PLVAP: variants seen among roughly 807,000 people sequenced by gnomAD.
PLVAP encodes plasmalemma vesicle-associated protein.
In PLVAP, 34 loss-of-function variants were observed where a neutral mutation model predicts 43.1. That is an observed-to-expected ratio of 0.79 (90% CI 0.60 to 1.05). PLVAP has a LOEUF of 1.05. Among genes scored for constraint, PLVAP ranks in the 50% least tolerant of loss-of-function variants. The pLI, the probability that PLVAP is intolerant of heterozygous loss-of-function variation, is 0.00. For synonymous variants in PLVAP, 241 were observed against 237.3 expected (o/e 1.02, Z -0.14); for missense variants, 574 against 593.4 (o/e 0.97, Z 0.34).
At chr19:17,367,106 C>T (rs1045869185) in intron 1 of PLVAP, among the ~76,000 whole-genome samples, 4 of 151,682 alleles carry the variant, frequency 2.6e-5, no homozygotes, top group African/African-American at 9.7e-5. Flanking sequence ...CCACTCCTGG[C>T]CAATTTTTTG....
intron 1 of PLVAP, among the ~76,000 whole-genome samples, chr19:17,371,510 G>T (rs1048649252): frequency 1.2e-4 from 18 of 151,656 alleles, no homozygotes; most frequent in African/African-American, 4.8e-5. Context: ...TTTTTTTTGA[G>T]ACATGGTCTC....
In PLVAP at chr19:17,351,900, G is replaced by A; in HGVS notation, c.*462C>T. The A allele has an allele frequency of 5.0e-6, 1 of 199,610 alleles. No individual in the cohort carries two copies. The allele number at this position is 199,610 out of a possible 1,614,324, so 12.4% of individuals were successfully genotyped here. On this transcript the variant is annotated 3_prime_UTR_variant, in exon 6 of 6. Transcript: ENST00000252590. ...GTGTGTGTTGTCACTGTGTCTGTGT[G>A]TGACATCATCACCGTCTGTGTGATG...
chr19:17,377,175 G>C lies in PLVAP; in HGVS notation c.114C>G (p.Leu38=). 6.2e-7 allele frequency: 1 copy of C among 1,614,134 alleles called. No homozygotes were observed. Among genetic ancestry groups the C allele is most frequent in the Non-Finnish European group, 8.5e-7 (1 of 1,180,024 alleles). Residue 38 remains leucine (L), a synonymous_variant, in exon 1 of 6, where the codon CTC becomes CTG. Transcript: ENST00000252590. ...FFLFVSLIQF[L]IILGLVLFMV... is the part of the protein sequence containing the mutation. ...TGAAGAGCACGAGCCCCAGGATGAT[G>C]AGGAATTGGATGAGGGAGACGAAGA...
chr19:17,352,450 C>G, intron 5 of PLVAP, 82 bp from the exon 6 acceptor site: 1 of 1,493,616 alleles, frequency 6.7e-7, no homozygotes, highest in Non-Finnish European at 9.3e-7. Context: ...GAGGCTCGTC[C>G]TCAGCGGGGA....
At chr19:17,355,486 C>T (rs1055588697) in intron 5 of PLVAP, among the ~76,000 whole-genome samples, 2 of 151,462 alleles carry the variant, frequency 1.3e-5, no homozygotes, top group East Asian at 3.9e-4. Context: ...CCTCAGCCTC[C>T]CAAGTAGCTG....
Position 17,377,177 on chromosome 19 carries a change from G to C in PLVAP, c.112C>G (p.Leu38Val). Residue 38 changes from leucine (L) to valine (V), a missense_variant, in exon 1 of 6, where the codon CTC becomes GTC. Physicochemically the swap from Leu to Val is conservative, Grantham distance 32. Coordinates refer to ENST00000252590, the MANE Select transcript of PLVAP (RefSeq NM_031310.3). ...FFLFVSLIQF[L>V]IILGLVLFMV... ...AAGAGCACGAGCCCCAGGATGATGA[G>C]GAATTGGATGAGGGAGACGAAGAGG... 9.3e-6 allele frequency: 15 copies of C among 1,614,126 alleles called. No homozygotes were observed. Among genetic ancestry groups the C allele is most frequent in the Non-Finnish European group, 1.3e-5 (15 of 1,180,022 alleles).
chr19:17,375,654 G>T (rs1196199187), intron 1 of PLVAP, among the ~76,000 whole-genome samples: 1 of 152,006 alleles, frequency 6.6e-6, no homozygotes, highest in East Asian at 1.9e-4. Context: ...GGCCGAGGTG[G>T]GTGGCTCACT....
At position 17,360,602 on chromosome 19, in the gene PLVAP, A is replaced by G; in HGVS notation, c.1248T>C (p.Ala416=). The G allele has an allele frequency of 1.9e-6, 3 of 1,612,812 alleles. No homozygotes were observed. The highest frequency in any genetic ancestry group is 1.1e-5 in the South Asian group (1 of 90,918). ...TCTTCCTCTTGAACTCCTCCAGGCT[A>G]GCTGGGTCTGTGGAGGGAGAGAGGT... ...PVPNPQPIDP[A]SLEEFKRKIL... Residue 416 remains alanine, a synonymous_variant, in exon 5 of 6, where the codon GCT becomes GCC. Transcript: ENST00000252590.
At chr19:17,368,455 G>GC (rs2074559006) in intron 1 of PLVAP, among the ~76,000 whole-genome samples, 3 of 151,790 alleles carry the variant, frequency 2.0e-5, no homozygotes, top group South Asian at 2.1e-4. Flanking sequence ...CAGGTGATTC[G>GC]CCCCCCTCGG....
chr19:17,358,356 G>T (rs2074514907), intron 5 of PLVAP, among the ~76,000 whole-genome samples: 1 of 151,776 alleles, frequency 6.6e-6, no homozygotes, highest in African/African-American at 2.4e-5. Context: ...AAATCTACTT[G>T]GCCAGAAATC....
chr19:17,355,407 G>T (rs10401682), intron 5 of PLVAP, among the ~76,000 whole-genome samples: 37,984 of 151,720 alleles, frequency 0.25, 5,204 homozygotes, highest in African/African-American at 0.37. Flanking sequence ...CTGTCACCCA[G>T]GTTGGAGTGC....
At chr19:17,376,510 T>C (rs529355928) in intron 1 of PLVAP, among the ~76,000 whole-genome samples, 24 of 150,642 alleles carry the variant, frequency 1.6e-4, no homozygotes, top group African/African-American at 5.6e-4. Flanking sequence ...AAAAAAAAAA[T>C]CTATCGGCCG....
intron 5 of PLVAP, among the ~76,000 whole-genome samples, chr19:17,358,266 G>GAA (rs1362816487): frequency 9.0e-6 from 1 of 111,616 alleles, no homozygotes; most frequent in African/African-American, 5.3e-5. Flanking sequence ...TATGCAAGAA[G>GAA]GAAAAAAAAA....
chr19:17,361,919 A>T (rs952383281), intron 3 of PLVAP, among the ~76,000 whole-genome samples: 59 of 100,938 alleles, frequency 5.8e-4, no homozygotes, highest in Admixed American at 9.6e-4. Flanking sequence ...AAAATAAAAA[A>T]AAATAAAAAA....
At chr19:17,376,729 C>T (rs2074596614) in intron 1 of PLVAP, among the ~76,000 whole-genome samples, 191 bp downstream of exon 1, 1 of 152,098 alleles carries the variant, frequency 6.6e-6, no homozygotes, top group Non-Finnish European at 1.5e-5. Flanking sequence ...ACCCAGGAGG[C>T]AGAGGTTGCA....
chr19:17,354,571 T>C (rs2145716925), intron 5 of PLVAP, among the ~76,000 whole-genome samples: 1 of 124,082 alleles, frequency 8.1e-6, no homozygotes, highest in African/African-American at 3.2e-5. Context: ...CACTCCAGCC[T>C]GGAAAACAGA....
At chr19:17,356,779 G>T (rs554335862) in intron 5 of PLVAP, among the ~76,000 whole-genome samples, 217 of 152,028 alleles carry the variant, frequency 1.4e-3, no homozygotes, top group Non-Finnish European at 2.6e-3. Context: ...GACCAACATG[G>T]TGAAACCCCG....
intron 1 of PLVAP, among the ~76,000 whole-genome samples, chr19:17,376,415 A>G (rs1356397064): frequency 6.6e-6 from 1 of 151,862 alleles, no homozygotes; most frequent in Non-Finnish European, 1.5e-5. Context: ...ACTTGAGTCC[A>G]GGAGATTGAG....
chr19:17,366,939 A>ATT (rs34408678), intron 1 of PLVAP, among the ~76,000 whole-genome samples: 9 of 107,824 alleles, frequency 8.3e-5, no homozygotes, highest in Non-Finnish European at 1.3e-4. Context: ...CCCGGCTCGA[A>ATT]TTTTTTTTTT....
Sources: allele counts gnomAD v4.1 joint callset (sites outside exome capture counted in the v4.1 genomes callset), GRCh38; gene constraint gnomAD v4.1.1; transcripts MANE v1.5; gene names NCBI Gene and HGNC (gene_info 2026-07-23, HGNC 2026-07-21).